The following WASHC4 variants were observed in gnomAD, a reference collection of about 807,000 sequenced individuals.
WASHC4 encodes WASH complex subunit 7.
In WASHC4, 86 loss-of-function variants were observed where a neutral mutation model predicts 166.6. The observed-to-expected ratio is 0.52, with a 90% CI of 0.43 to 0.62. WASHC4 has a LOEUF of 0.62. WASHC4 is among the 20% of genes least tolerant of loss of function. The probability of loss-of-function intolerance (pLI) is 0.00; values close to 1 mark genes in which losing one functional copy is unlikely to be tolerated. For missense variants in WASHC4, 1,262 were observed against 1,382.4 expected, an observed-to-expected ratio of 0.91 and a Z score of 1.38; for synonymous variants, 446 against 451.6, an observed-to-expected ratio of 0.99 and a Z score of 0.16.
At chr12:105,111,771 TTC>T (rs780352168) in intron 2 of WASHC4, among the ~76,000 whole-genome samples, 3 of 152,224 alleles carry the variant, frequency 2.0e-5, no homozygotes, top group Non-Finnish European at 4.4e-5. Context: ...TTTGAAATAT[TTC>T]TTTTATCTTT....
In WASHC4 at chr12:105,164,210, C is replaced by T; in HGVS notation, c.3257C>T (p.Ala1086Val). Residue 1086 changes from alanine to valine, a missense_variant, in exon 31 of 33, where the codon GCA (alanine) becomes GTA (valine). Transcript: ENST00000332180. ...GAGAAATACCTGAAGGAGATAAGAG[C>T]AGTTGCTAAGCAACAGAATGTACAG... ...VREKYLKEIRAVAKQQNVQSA... is the reference protein window; with the variant it reads ...VREKYLKEIRVVAKQQNVQSA... The T allele has an allele frequency of 1.9e-6, 3 of 1,613,946 alleles. No individual in the cohort carries two copies. Among genetic ancestry groups the T allele is most frequent in the Non-Finnish European group, 2.5e-6 (3 of 1,179,846 alleles).
Position 105,110,465 on chromosome 12 carries a change from A to G in WASHC4, c.62-660A>G, listed in dbSNP as rs369717695. The stretch of plus-strand genomic sequence containing the variant: ...ATCCAGCTTATTCCAATGATTCCTT[A>G]AAGTTACCTATGAATGTGTTAATTC... On this transcript the variant is annotated intron_variant, in intron 1 of 32. Coordinates refer to ENST00000332180, the MANE Select transcript of WASHC4 (RefSeq NM_015275.3). Among the ~76,000 whole-genome samples the G allele has an allele frequency of 2.0e-5, 3 of 152,340 alleles. No homozygotes were observed. The East Asian group carries it at 5.8e-4, about 29-fold the overall frequency.
intron 25 of WASHC4, among the ~76,000 whole-genome samples, chr12:105,150,265 CCTT>C (rs1290266790): frequency 2.7e-5 from 4 of 150,478 alleles, no homozygotes; most frequent in Admixed American, 1.3e-4. Context: ...ACTTATTTAA[CCTT>C]CTTCTGTTGA....
chr12:105,129,937 A>T (rs902132217), intron 13 of WASHC4, among the ~76,000 whole-genome samples: 7 of 152,238 alleles, frequency 4.6e-5, no homozygotes, highest in Admixed American at 4.6e-4. Flanking sequence ...GAAAATAATA[A>T]ATGTAACAAT....
chr12:105,149,961 T>C lies in WASHC4; in HGVS notation c.2649+212T>C, dbSNP rs7134144. ...ACTTTTTCTTTATTTTAAAATAATA[T>C]AAAAGCAGGACATGCTTATTTTGAA... On this transcript the variant is annotated intron_variant, in intron 25 of 32. Coordinates refer to ENST00000332180, the MANE Select transcript of WASHC4 (RefSeq NM_015275.3). 7.0e-3 allele frequency among the ~76,000 whole-genome samples: 1,059 copies of C among 152,306 alleles called. 15 individuals carry two copies. Among genetic ancestry groups the C allele is most frequent in the African/African-American group, 0.024 (1,002 of 41,580 alleles).
chr12:105,120,166 GT>G (rs1880591917), intron 7 of WASHC4, among the ~76,000 whole-genome samples: 1 of 152,210 alleles, frequency 6.6e-6, no homozygotes, highest in Non-Finnish European at 1.5e-5. Flanking sequence ...AATTCTAATA[GT>G]TTAGAAAGAT....
At chr12:105,112,195 A>G (rs1879757333) in intron 2 of WASHC4, among the ~76,000 whole-genome samples, 4 of 152,168 alleles carry the variant, frequency 2.6e-5, no homozygotes, top group Admixed American at 2.6e-4. Flanking sequence ...TTATGTTTTC[A>G]AGGCTCATCT....
intron 24 of WASHC4, chr12:105,147,568 A>G (rs768618872): frequency 4.9e-6 from 5 of 1,013,120 alleles, no homozygotes; most frequent in East Asian, 8.9e-5. Context: ...TTTGATGTCC[A>G]TATAAATAGG....
chr12:105,125,031 A>G (rs1423302094), intron 10 of WASHC4, among the ~76,000 whole-genome samples: 1 of 152,230 alleles, frequency 6.6e-6, no homozygotes, highest in Non-Finnish European at 1.5e-5. Flanking sequence ...TTCCATCATC[A>G]CAGAAAGTTC....
At position 105,137,893 on chromosome 12, in the gene WASHC4, T is replaced by C. The variant is rs745612997; in HGVS notation, c.1334T>C (p.Leu445Ser). 3 of 1,605,854 alleles carry C rather than the reference T, an allele frequency of 1.9e-6. No homozygotes were observed. The highest frequency in any genetic ancestry group is 1.1e-5 in the South Asian group (1 of 90,778). Reference sequence around the variant, plus strand: ...CAATGTTTTCCTTTACAGGGCTTCTTGTATGCATATAGTATTAGTACCATT... The same window carrying C: ...CAATGTTTTCCTTTACAGGGCTTCTCGTATGCATATAGTATTAGTACCATT... ...NRCNVFIQGFLYAYSISTIIK... is the reference protein window; with the variant it reads ...NRCNVFIQGFSYAYSISTIIK... Residue 445 changes from leucine (L) to serine (S), a missense_variant, in exon 15 of 33, where the codon TTG becomes TCG. Coordinates refer to ENST00000332180, the MANE Select transcript of WASHC4 (RefSeq NM_015275.3).
At chr12:105,109,649 C>CTTT (rs36080234) in intron 1 of WASHC4, among the ~76,000 whole-genome samples, 3,859 of 97,582 alleles carry the variant, frequency 0.04, 393 homozygotes, top group African/African-American at 0.14. Context: ...CTAGCATTGT[C>CTTT]TTTTTTTTTT....
chr12:105,148,602 A>AT (rs1365719528), intron 24 of WASHC4: 9 of 985,170 alleles, frequency 9.1e-6, no homozygotes, highest in Non-Finnish European at 1.1e-5. Flanking sequence ...TGTTAAAGAG[A>AT]TTTTTTTAAA....
chr12:105,163,604 C>T (rs1191564460), intron 30 of WASHC4, among the ~76,000 whole-genome samples: 5 of 151,938 alleles, frequency 3.3e-5, no homozygotes, highest in South Asian at 2.1e-4. Context: ...TGGACCCAAG[C>T]GATCCTCCCA....
intron 1 of WASHC4, among the ~76,000 whole-genome samples, chr12:105,109,649 C>CTTTTTTTTTTT (rs36080234): frequency 1.0e-5 from 1 of 97,624 alleles, no homozygotes; most frequent in African/African-American, 4.0e-5. Flanking sequence ...CTAGCATTGT[C>CTTTTTTTTTTT]TTTTTTTTTT....
intron 22 of WASHC4, 34 bp downstream of exon 22, chr12:105,144,906 G>A: frequency 6.3e-7 from 1 of 1,595,678 alleles, no homozygotes; most frequent in Non-Finnish European, 8.6e-7. Context: ...AGCATACTGT[G>A]ACTGTTGGCT....
At chr12:105,155,857 C>G in intron 26 of WASHC4, among the ~76,000 whole-genome samples, 1 of 151,746 alleles carries the variant, frequency 6.6e-6, no homozygotes, top group Non-Finnish European at 1.5e-5. Flanking sequence ...AAAGAAAAAG[C>G]ACTATACGCT....
At chr12:105,142,430 C>T in intron 18 of WASHC4, 23 bp from the exon 19 acceptor site, 1 of 1,375,078 alleles carries the variant, frequency 7.3e-7, no homozygotes, top group Non-Finnish European at 1.0e-6. Context: ...TTTGGTGTGA[C>T]TGATTACTAC....
chr12:105,139,459 G>A lies in WASHC4; in HGVS notation c.1453-835G>A, dbSNP rs372764532. 1.8e-4 allele frequency among the ~76,000 whole-genome samples: 9 copies of A among 49,196 alleles called. No homozygotes were observed. The South Asian group carries it at 2.5e-3, about 14-fold the overall frequency. 32.3% of individuals were successfully genotyped at this position (49,196 alleles called of 152,430 possible). On this transcript the variant is annotated intron_variant, in intron 15 of 32. Coordinates refer to ENST00000332180, the MANE Select transcript of WASHC4 (RefSeq NM_015275.3). ...TATATATATATATATATATATATATGCCTCCCACAATACATTAGAAAATTA... is the reference window on the plus strand; with the variant it reads ...TATATATATATATATATATATATATACCTCCCACAATACATTAGAAAATTA...
chr12:105,128,873 G>T (rs1208333888), intron 13 of WASHC4, among the ~76,000 whole-genome samples: 1 of 151,314 alleles, frequency 6.6e-6, no homozygotes, highest in East Asian at 1.9e-4. Context: ...CTGTCTCCCA[G>T]ATTCAAGCAG....
Sources: gnomAD v4.1 joint callset for allele counts (sites outside exome capture counted in the v4.1 genomes callset) on GRCh38, gnomAD v4.1.1 for gene constraint, MANE v1.5 for transcripts, NCBI Gene and HGNC (gene_info 2026-07-23, HGNC 2026-07-21) for gene names.